The following AKAP7 variants were observed in gnomAD, a reference collection of about 807,000 sequenced individuals.
AKAP7 encodes A kinase (PRKA) anchor protein 7.
A neutral mutation model predicts 39.5 loss-of-function variants in AKAP7; 39 were observed. The ratio of observed to expected loss-of-function variants is 0.99; its 90% CI spans 0.76 to 1.29. The LOEUF (loss-of-function observed/expected upper bound fraction) is 1.29, where lower values mean the gene tolerates loss of function less well. Ranked by LOEUF, AKAP7 falls within the 50% of genes most tolerant of loss-of-function variation. The pLI is 0.00. For missense variants in AKAP7, 414 were observed against 407.7 expected (o/e 1.02, Z -0.13); for synonymous variants, 140 against 139.1 (o/e 1.01, Z -0.05).
intron 7 of AKAP7, among the ~76,000 whole-genome samples, chr6:131,278,102 C>T (rs1485638079): frequency 6.6e-6 from 1 of 152,066 alleles, no homozygotes; most frequent in East Asian, 1.9e-4. Flanking sequence ...TCAAGGACTT[C>T]AGTCATCAAT....
chr6:131,179,102 C>G (rs369264032), intron 5 of AKAP7, among the ~76,000 whole-genome samples: 2 of 152,168 alleles, frequency 1.3e-5, no homozygotes, highest in African/African-American at 4.8e-5. Context: ...AGCTCTCTAT[C>G]ACTGTACCCA....
At chr6:131,146,790 G>A (rs1001679730) in intron 2 of AKAP7, among the ~76,000 whole-genome samples, 11 of 152,164 alleles carry the variant, frequency 7.2e-5, no homozygotes, top group South Asian at 2.1e-4. Context: ...AAATTCACAC[G>A]GTGGGAAAGA....
chr6:131,229,638 G>A (rs1196494044), intron 7 of AKAP7, among the ~76,000 whole-genome samples: 2 of 152,152 alleles, frequency 1.3e-5, no homozygotes, highest in East Asian at 3.8e-4. Flanking sequence ...GATTACAGGT[G>A]TGAGCCACCA....
chr6:131,247,269 G>GTATATATATA lies in AKAP7; in HGVS notation c.850+27497_850+27506dup, dbSNP rs60033504. On this transcript the variant is annotated intron_variant, in intron 7 of 7. Coordinates refer to ENST00000431975, the MANE Select transcript of AKAP7 (RefSeq NM_016377.4). ...TGATAGTTAATGACACATTTCATAT[G>GTATATATATA]TATATATATATATATATATATATAT... is the stretch of plus-strand genomic sequence containing the variant. Among the ~76,000 whole-genome samples the GTATATATATA allele has an allele frequency of 8.4e-4, 77 of 91,884 alleles. 2 individuals carry two copies. Among genetic ancestry groups the GTATATATATA allele is most frequent in the Non-Finnish European group, 1.3e-3 (66 of 50,034 alleles). The allele number at this position is 91,884 out of a possible 152,430, so 60.3% of individuals were successfully genotyped here.
At chr6:131,192,861 T>C (rs1806553953) in intron 5 of AKAP7, among the ~76,000 whole-genome samples, 1 of 152,200 alleles carries the variant, frequency 6.6e-6, no homozygotes, top group African/African-American at 2.4e-5. Flanking sequence ...AGGATTACTT[T>C]TTGGATTTCT....
rs192718807 is a variant in AKAP7 at position 131,268,013 on chromosome 6, G to A, written c.851-13517G>A. Among the ~76,000 whole-genome samples the A allele has an allele frequency of 2.6e-3, 399 of 152,266 alleles. 11 individuals are homozygous for A. The highest frequency in any genetic ancestry group is 0.024 in the Admixed American group (364 of 15,290). ...ATGAAAGCATGGGAAGGAAGGAAGGGAAGAAGGGAGAAAGGGAGGGAGGAC... is the reference window on the plus strand; with the variant it reads ...ATGAAAGCATGGGAAGGAAGGAAGGAAAGAAGGGAGAAAGGGAGGGAGGAC... On this transcript the variant is annotated intron_variant, in intron 7 of 7. Transcript: ENST00000431975.
At chr6:131,244,277 G>A (rs577121196) in intron 7 of AKAP7, among the ~76,000 whole-genome samples, 27 of 152,254 alleles carry the variant, frequency 1.8e-4, no homozygotes, top group African/African-American at 6.0e-4. Flanking sequence ...TGGGGAGCTC[G>A]TACCCTCCTT....
chr6:131,162,990 C>T (rs947250281), intron 3 of AKAP7, among the ~76,000 whole-genome samples: 2 of 145,330 alleles, frequency 1.4e-5, no homozygotes, highest in African/African-American at 2.5e-5. Flanking sequence ...CACACATACA[C>T]GCTCTTTCGC....
intron 7 of AKAP7, among the ~76,000 whole-genome samples, chr6:131,249,481 C>A (rs1812275707): frequency 6.6e-6 from 1 of 152,106 alleles, no homozygotes; most frequent in Non-Finnish European, 1.5e-5. Flanking sequence ...TCAGCATCAT[C>A]CTGTTCCCTC....
chr6:131,226,378 C>A (rs1331919506), intron 7 of AKAP7, among the ~76,000 whole-genome samples: 1 of 152,178 alleles, frequency 6.6e-6, no homozygotes. Flanking sequence ...TTGGTTGTTT[C>A]ATGCTCAAAG....
chr6:131,199,220 T>C (rs1807272223), intron 5 of AKAP7, among the ~76,000 whole-genome samples: 1 of 152,244 alleles, frequency 6.6e-6, no homozygotes, highest in South Asian at 2.1e-4. Flanking sequence ...TTTCAAATTA[T>C]TGCTTTTGTG....
chr6:131,198,568 A>T (rs1464314776), intron 5 of AKAP7, among the ~76,000 whole-genome samples: 1 of 152,138 alleles, frequency 6.6e-6, no homozygotes, highest in East Asian at 1.9e-4. Context: ...AGAGTTAATT[A>T]TTCCCCACTA....
chr6:131,252,346 C>T (rs1347481263), intron 7 of AKAP7, among the ~76,000 whole-genome samples: 2 of 152,046 alleles, frequency 1.3e-5, no homozygotes, highest in East Asian at 1.9e-4. Flanking sequence ...GCATTTGCAC[C>T]CCTGCCCCCA....
chr6:131,240,596 C>T (rs1394947702), intron 7 of AKAP7, among the ~76,000 whole-genome samples: 7 of 152,234 alleles, frequency 4.6e-5, no homozygotes, highest in Non-Finnish European at 8.8e-5. Context: ...CTACTCAAGC[C>T]GGGGCAATGG....
At chr6:131,153,733 A>G (rs1200886608) in intron 2 of AKAP7, among the ~76,000 whole-genome samples, 2 of 152,182 alleles carry the variant, frequency 1.3e-5, no homozygotes, top group Non-Finnish European at 2.9e-5. Flanking sequence ...GAGTGTGAGT[A>G]AAATACAGAA....
chr6:131,140,375 T>C (rs967210562), intron 1 of AKAP7, among the ~76,000 whole-genome samples: 14 of 152,208 alleles, frequency 9.2e-5, no homozygotes, highest in African/African-American at 3.4e-4. Context: ...TCCATAGCAC[T>C]TGCTCTCTAA....
chr6:131,236,080 T>C (rs1378228543), intron 7 of AKAP7, among the ~76,000 whole-genome samples: 1 of 152,232 alleles, frequency 6.6e-6, no homozygotes, highest in Non-Finnish European at 1.5e-5. Context: ...TTAATTTTTG[T>C]ATAAGGTGTA....
chr6:131,154,858 G>A (rs1417456449), intron 2 of AKAP7, among the ~76,000 whole-genome samples: 1 of 151,866 alleles, frequency 6.6e-6, no homozygotes, highest in Admixed American at 6.6e-5. Context: ...TTCCTTTTGG[G>A]TATGTGTATG....
intron 2 of AKAP7, 55 bp downstream of exon 2, chr6:131,145,471 T>TTA: frequency 1.7e-6 from 2 of 1,176,472 alleles, no homozygotes; most frequent in South Asian, 2.7e-5. Context: ...GTAAATTTAG[T>TTA]TATATATATA....
Sources: gnomAD v4.1 joint callset for allele counts (sites outside exome capture counted in the v4.1 genomes callset) on GRCh38, gnomAD v4.1.1 for gene constraint, MANE v1.5 for transcripts, NCBI Gene and HGNC (gene_info 2026-07-23, HGNC 2026-07-21) for gene names.